RFFL: variants seen among roughly 807,000 people sequenced by gnomAD.
RFFL encodes ring finger and FYVE like domain containing E3 ubiquitin protein ligase.
RFFL carries 16 observed loss-of-function variants against 40.4 expected under a neutral mutation model. That is an observed-to-expected ratio of 0.40 (90% CI 0.27 to 0.60). The LOEUF is 0.60. Ranked by LOEUF, RFFL falls within the 20% of genes least tolerant of loss-of-function variation. The pLI is 0.47. For missense variants in RFFL, 367 were observed against 451.7 expected (o/e 0.81, Z 1.70); for synonymous variants, 154 against 167.9 (o/e 0.92, Z 0.64).
At chr17:35,044,589 G>A (rs2091186434) in intron 1 of RFFL, among the ~76,000 whole-genome samples, 1 of 152,150 alleles carries the variant, frequency 6.6e-6, no homozygotes, top group African/African-American at 2.4e-5. Context: ...AGTCCAGCCT[G>A]GGAGACAGAG....
chr17:35,082,923 AACT>A (rs2091409609), intron 1 of RFFL, among the ~76,000 whole-genome samples: 3 of 152,350 alleles, frequency 2.0e-5, no homozygotes, highest in Admixed American at 2.0e-4. Flanking sequence ...TATACAAACA[AACT>A]ACGTTAGGGA....
chr17:35,036,162 T>C (rs1597823538), intron 1 of RFFL, among the ~76,000 whole-genome samples: 1 of 152,266 alleles, frequency 6.6e-6, no homozygotes, highest in Admixed American at 6.5e-5. Flanking sequence ...CAACGCTATA[T>C]AAGCTAAAAT....
chr17:35,038,663 C>T (rs933857403), intron 1 of RFFL, among the ~76,000 whole-genome samples: 1 of 152,158 alleles, frequency 6.6e-6, no homozygotes, highest in Non-Finnish European at 1.5e-5. Context: ...TAAATGAATA[C>T]ATGGGAAATG....
chr17:35,014,839 C>G, intron 5 of RFFL, 76 bp from the exon 6 acceptor site: 2 of 1,403,886 alleles, frequency 1.4e-6, no homozygotes, highest in South Asian at 2.3e-5. Context: ...GCCCTGACAT[C>G]ATTTCTGAAC....
chr17:35,074,451 C>G (rs904518127), intron 1 of RFFL: 2 of 152,154 alleles, frequency 1.3e-5, no homozygotes. Context: ...ACTTCTGCAG[C>G]CGACATATTT....
chr17:35,011,898 C>G lies in RFFL; in HGVS notation c.*70G>C. On this transcript the variant is annotated 3_prime_UTR_variant, in exon 7 of 7. Transcript: ENST00000394597. ...TTCTACTAGCTTGCTCCTCTGCAAG[C>G]TGGCCAACCCTGAGCCCAGACACCC... 6.7e-7 allele frequency: 1 copy of G among 1,496,812 alleles called. No individual in the cohort carries two copies. The highest frequency in any genetic ancestry group is 9.2e-7 in the Non-Finnish European group (1 of 1,092,576). 92.7% of individuals were successfully genotyped at this position (1,496,812 alleles called of 1,614,324 possible).
intron 5 of RFFL, among the ~76,000 whole-genome samples, 194 bp from the exon 6 acceptor site, chr17:35,014,957 C>G (rs1010166635): frequency 6.6e-6 from 1 of 152,128 alleles, no homozygotes; most frequent in African/African-American, 2.4e-5. Flanking sequence ...ACTCGTGCAT[C>G]TGGTCTACTT....
chr17:35,075,146 G>A (rs1280773594), intron 1 of RFFL, among the ~76,000 whole-genome samples: 2 of 152,084 alleles, frequency 1.3e-5, no homozygotes, highest in East Asian at 1.9e-4. Context: ...TTATAATAAC[G>A]CAAGCCCTCT....
At chr17:35,067,964 T>C (rs1374832122), upstream of RFFL, among the ~76,000 whole-genome samples, 1 of 152,192 alleles carries the variant, frequency 6.6e-6, no homozygotes, top group Admixed American at 6.5e-5. Context: ...ACTTTGTTGG[T>C]TGGACCATTA....
intron 2 of RFFL, 51 bp from the exon 3 acceptor site, chr17:35,021,832 C>T (rs776355747): frequency 1.9e-6 from 3 of 1,589,374 alleles, no homozygotes; most frequent in Admixed American, 1.7e-5. Flanking sequence ...GAGAACAAGA[C>T]AGAGAGTGCG....
At chr17:35,052,595 A>G (rs1272703199) in intron 1 of RFFL, among the ~76,000 whole-genome samples, 1 of 152,224 alleles carries the variant, frequency 6.6e-6, no homozygotes, top group Admixed American at 6.5e-5. Flanking sequence ...AAGGAAGAAG[A>G]AAAGCAAAAA....
intron 1 of RFFL, among the ~76,000 whole-genome samples, chr17:35,046,513 G>C (rs2091201168): frequency 6.6e-6 from 1 of 152,120 alleles, no homozygotes; most frequent in Non-Finnish European, 1.5e-5. Flanking sequence ...AAATGATACA[G>C]GAACCAGAGA....
chr17:35,069,946 C>G (rs1487462012), intron 1 of RFFL, among the ~76,000 whole-genome samples: 1 of 152,060 alleles, frequency 6.6e-6, no homozygotes, highest in Non-Finnish European at 1.5e-5. Context: ...CTCCATAATA[C>G]ATTACCCATT....
chr17:35,038,386 C>T lies in RFFL; in HGVS notation c.-8-11825G>A, dbSNP rs141754348. 1.6e-4 allele frequency among the ~76,000 whole-genome samples: 24 copies of T among 151,776 alleles called. No homozygotes were observed. In the East Asian group the frequency reaches 2.9e-3, roughly 18 times the overall value. On this transcript the variant is annotated intron_variant, in intron 1 of 6. Coordinates refer to ENST00000394597, the MANE Select transcript of RFFL (RefSeq NM_001017368.2). ...AATTTGGAAATTTTGTGTGTGTGTG[C>T]GCGCGCGTGCATATACACGCGCACC...
At chr17:35,077,042 G>T in intron 1 of RFFL, 1 of 249,990 alleles carries the variant, frequency 4.0e-6, no homozygotes, top group Non-Finnish European at 8.2e-6. Flanking sequence ...TAAATGTTCT[G>T]GTTTTTAAAA....
At chr17:35,085,771 A>T (rs920237705) in intron 1 of RFFL, among the ~76,000 whole-genome samples, 1 of 152,242 alleles carries the variant, frequency 6.6e-6, no homozygotes, top group African/African-American at 2.4e-5. Context: ...GTTTAAAAAC[A>T]TGCAGGACTC....
chr17:35,040,025 C>T (rs1029030054), intron 1 of RFFL, among the ~76,000 whole-genome samples: 1 of 152,066 alleles, frequency 6.6e-6, no homozygotes, highest in African/African-American at 2.4e-5. Flanking sequence ...TCCAATCTAG[C>T]TTGAGCCAAC....
intron 1 of RFFL, among the ~76,000 whole-genome samples, chr17:35,078,367 A>T (rs996268453): frequency 1.3e-5 from 2 of 152,200 alleles, no homozygotes; most frequent in Non-Finnish European, 2.9e-5. Context: ...CAGTTGTGCA[A>T]CCATAGTTCA....
At chr17:35,089,002 G>C (rs1298953732) in intron 1 of RFFL, 1 of 152,338 alleles carries the variant, frequency 6.6e-6, no homozygotes, top group African/African-American at 2.4e-5. Context: ...ACAGAGGAAG[G>C]GCCCCCAGAC....
Sources: allele counts gnomAD v4.1 joint callset (sites outside exome capture counted in the v4.1 genomes callset), GRCh38; gene constraint gnomAD v4.1.1; transcripts MANE v1.5; gene names NCBI Gene and HGNC (gene_info 2026-07-23, HGNC 2026-07-21).